ALPK2: variants seen among roughly 807,000 people sequenced by gnomAD.
ALPK2 encodes alpha kinase 2.
ALPK2 carries 127 observed loss-of-function variants against 163.1 expected under a neutral mutation model. The observed-to-expected ratio is 0.78, with a 90% CI of 0.67 to 0.90. The LOEUF (loss-of-function observed/expected upper bound fraction) is 0.90, where lower values mean the gene tolerates loss of function less well. Among genes scored for constraint, ALPK2 ranks in the 40% least tolerant of loss-of-function variants. ALPK2 has a pLI of 0.00. For synonymous variants in ALPK2, 953 were observed against 959.1 expected, an observed-to-expected ratio of 0.99 and a Z score of 0.12; for missense variants, 2,360 against 2,589.6, an observed-to-expected ratio of 0.91 and a Z score of 1.92.
In ALPK2 at chr18:58,504,926, G is replaced by C. The variant is rs567007667; in HGVS notation, c.6030-778C>G. 2.0e-4 allele frequency among the ~76,000 whole-genome samples: 30 copies of C among 152,290 alleles called. No individual in the cohort carries two copies. The South Asian group carries it at 3.9e-3, about 20-fold the overall frequency. On this transcript the variant is annotated intron_variant, in intron 10 of 12. Coordinates refer to ENST00000361673, the MANE Select transcript of ALPK2 (RefSeq NM_052947.4). ...ACCCCAAGGAGAAATGCTCAGGGCAGGAGCAGCACTCCTGGCGTGCAGCGG... is the reference window on the plus strand; with the variant it reads ...ACCCCAAGGAGAAATGCTCAGGGCACGAGCAGCACTCCTGGCGTGCAGCGG...
At chr18:58,574,335 G>A (rs2051907686) in intron 4 of ALPK2, among the ~76,000 whole-genome samples, 1 of 149,184 alleles carries the variant, frequency 6.7e-6, no homozygotes, top group Non-Finnish European at 1.5e-5. Flanking sequence ...TGTAATCCCA[G>A]CTACTCAGGA....
chr18:58,573,304 GTATA>G (rs1306572529), intron 4 of ALPK2, among the ~76,000 whole-genome samples: 1 of 56,932 alleles, frequency 1.8e-5, no homozygotes, highest in Admixed American at 1.7e-4. Context: ...ATATATGTGT[GTATA>G]TATATGTGTG....
At chr18:58,498,836 A>C (rs1602187067) in intron 11 of ALPK2, among the ~76,000 whole-genome samples, 3 of 152,218 alleles carry the variant, frequency 2.0e-5, no homozygotes, top group African/African-American at 7.2e-5. Context: ...CCCCAGCCAC[A>C]TGGGACTATG....
chr18:58,486,325 C>T (rs963621239), intron 12 of ALPK2, among the ~76,000 whole-genome samples: 1 of 152,176 alleles, frequency 6.6e-6, no homozygotes, highest in Non-Finnish European at 1.5e-5. Flanking sequence ...ACCTTCGAGC[C>T]CCAGCTCCAG....
intron 12 of ALPK2, among the ~76,000 whole-genome samples, chr18:58,489,236 G>A (rs776733699): frequency 3.3e-4 from 50 of 152,178 alleles, no homozygotes; most frequent in Non-Finnish European, 6.3e-4. Flanking sequence ...TCTGAGGGGA[G>A]ATGCCGTCGG....
At chr18:58,495,701 G>A (rs964141220) in intron 12 of ALPK2, among the ~76,000 whole-genome samples, 6 of 152,284 alleles carry the variant, frequency 3.9e-5, no homozygotes, top group Non-Finnish European at 7.4e-5. Flanking sequence ...ATAACAGCAC[G>A]AAATTTGCCT....
chr18:58,611,988 G>T (rs2144232863), intron 1 of ALPK2, among the ~76,000 whole-genome samples, 171 bp from the exon 2 acceptor site: 1 of 152,304 alleles, frequency 6.6e-6, no homozygotes. Flanking sequence ...GCTGGTAGGT[G>T]GGCTGGATCC....
chr18:58,608,970 A>AG (rs2052113429), intron 2 of ALPK2, among the ~76,000 whole-genome samples: 1 of 150,148 alleles, frequency 6.7e-6, no homozygotes, highest in Non-Finnish European at 1.5e-5. Flanking sequence ...AAAAAAAAAA[A>AG]GAAAAGAAAA....
intron 2 of ALPK2, among the ~76,000 whole-genome samples, chr18:58,608,516 T>G (rs2052109900): frequency 6.6e-6 from 1 of 152,192 alleles, no homozygotes. Flanking sequence ...TGTCAAAATG[T>G]GCCATATGCA....
chr18:58,574,181 C>T (rs1258024463), intron 4 of ALPK2, among the ~76,000 whole-genome samples: 3 of 151,948 alleles, frequency 2.0e-5, no homozygotes, highest in Non-Finnish European at 2.9e-5. Context: ...CGGCAGCTCA[C>T]GCCTATAATC....
At chr18:58,626,312 T>C (rs1270291011) in intron 1 of ALPK2, among the ~76,000 whole-genome samples, 1 of 152,152 alleles carries the variant, frequency 6.6e-6, no homozygotes, top group South Asian at 2.1e-4. Flanking sequence ...TGTACTTTTA[T>C]CACTGACCCC....
intron 3 of ALPK2, among the ~76,000 whole-genome samples, chr18:58,585,475 T>C (rs751835365): frequency 3.9e-5 from 6 of 152,208 alleles, no homozygotes; most frequent in Middle Eastern, 3.2e-3. Context: ...TTCAGTGTGA[T>C]ACAATACATG....
At chr18:58,552,033 A>G (rs2051762726) in intron 4 of ALPK2, among the ~76,000 whole-genome samples, 1 of 152,068 alleles carries the variant, frequency 6.6e-6, no homozygotes, top group Non-Finnish European at 1.5e-5. Context: ...TTATTTTCCC[A>G]CCCAACCCCA....
chr18:58,500,779 T>A (rs2051427857), intron 11 of ALPK2, among the ~76,000 whole-genome samples: 5 of 145,126 alleles, frequency 3.4e-5, no homozygotes, highest in Non-Finnish European at 3.0e-5. Flanking sequence ...ACAAAAAAAT[T>A]AAAAAAAAAA....
chr18:58,613,073 A>G (rs1055119382), intron 1 of ALPK2, among the ~76,000 whole-genome samples: 1 of 152,212 alleles, frequency 6.6e-6, no homozygotes, highest in Non-Finnish European at 1.5e-5. Context: ...ACCCCTTTCC[A>G]TATGAGTGTC....
chr18:58,552,886 G>A (rs2051767221), intron 4 of ALPK2, among the ~76,000 whole-genome samples: 1 of 152,214 alleles, frequency 6.6e-6, no homozygotes, highest in Non-Finnish European at 1.5e-5. Flanking sequence ...TGGTACCTGA[G>A]AATGTGACTT....
chr18:58,596,404 C>T (rs964391215), intron 3 of ALPK2, among the ~76,000 whole-genome samples: 1 of 152,240 alleles, frequency 6.6e-6, no homozygotes, highest in Non-Finnish European at 1.5e-5. Context: ...GCAAGCAGGG[C>T]ACCCTGCACA....
At chr18:58,622,145 G>A (rs1041052301) in intron 1 of ALPK2, among the ~76,000 whole-genome samples, 6 of 151,952 alleles carry the variant, frequency 3.9e-5, no homozygotes, top group African/African-American at 9.7e-5. Context: ...TCAGGAGTTC[G>A]AGACCAGCCT....
chr18:58,556,487 C>A (rs1317548722), intron 4 of ALPK2, among the ~76,000 whole-genome samples: 1 of 152,142 alleles, frequency 6.6e-6, no homozygotes, highest in African/African-American at 2.4e-5. Context: ...AATGAGCCAG[C>A]CGCTGCAAAG....
Sources: allele counts gnomAD v4.1 joint callset (sites outside exome capture counted in the v4.1 genomes callset), GRCh38; gene constraint gnomAD v4.1.1; transcripts MANE v1.5; gene names NCBI Gene and HGNC (gene_info 2026-07-23, HGNC 2026-07-21).